EYS: variants seen among roughly 807,000 people sequenced by gnomAD.
EYS encodes EGF-like photoreceptor maintenance factor.
A neutral mutation model predicts 282.1 loss-of-function variants in EYS; 250 were observed. The observed-to-expected ratio is 0.89, with a 90% CI of 0.80 to 0.98. The LOEUF (loss-of-function observed/expected upper bound fraction) is 0.98. Among genes scored for constraint, EYS ranks in the 50% least tolerant of loss-of-function variants. EYS has a pLI of 0.00. For missense variants in EYS, 4,016 were observed against 3,709.0 expected, an observed-to-expected ratio of 1.08 and a Z score of -2.15; for synonymous variants, 1,355 against 1,282.9, an observed-to-expected ratio of 1.06 and a Z score of -1.20.
chr6:64,620,428 C>G (rs963173465), intron 23 of EYS, among the ~76,000 whole-genome samples: 1 of 152,172 alleles, frequency 6.6e-6, no homozygotes, highest in Non-Finnish European at 1.5e-5. Context: ...TGGTCTCCAT[C>G]AGAGCCTTCA....
At position 65,500,270 on chromosome 6, in the gene EYS, A is replaced by G. The variant is rs531590268; in HGVS notation, c.-332-4277T>C. ...TAGGATTAAACAAAGCGGCTGAGGC[A>G]AAAGATGATAAACAATCCTGGAGAA... On this transcript the variant is annotated intron_variant, in intron 2 of 42. Coordinates refer to ENST00000503581, the MANE Select transcript of EYS (RefSeq NM_001142800.2). 2.0e-5 allele frequency among the ~76,000 whole-genome samples: 3 copies of G among 152,182 alleles called. No individual in the cohort carries two copies. The East Asian group carries it at 5.8e-4, about 29-fold the overall frequency.
At chr6:64,934,466 T>C (rs1039826944) in intron 15 of EYS, among the ~76,000 whole-genome samples, 3 of 152,084 alleles carry the variant, frequency 2.0e-5, no homozygotes, top group South Asian at 2.1e-4. Flanking sequence ...TTAATCATGA[T>C]AGTCAAACTG....
At chr6:64,957,791 C>T (rs540561885) in intron 14 of EYS, among the ~76,000 whole-genome samples, 2 of 152,094 alleles carry the variant, frequency 1.3e-5, no homozygotes, top group South Asian at 2.1e-4. Flanking sequence ...AAAATTAGTG[C>T]CTGTAAAAGT....
rs182927855 is a variant in EYS, at chr6:63,968,673, G to A, written c.7055+15710C>T. Among the ~76,000 whole-genome samples, 1,169 of 152,178 alleles carry A rather than the reference G, an allele frequency of 7.7e-3. 8 individuals are homozygous for A. Among genetic ancestry groups the A allele is most frequent in the Admixed American group, 0.026 (392 of 15,274 alleles). On this transcript the variant is annotated intron_variant, in intron 35 of 42. Transcript: ENST00000503581. ...AGGCAGAATATTTCAGAGGTTTCTC[G>A]AAACTCTAATAAAAGACTCTCCTGC...
intron 22 of EYS, among the ~76,000 whole-genome samples, chr6:64,677,573 C>T (rs913391931): frequency 1.3e-5 from 2 of 152,038 alleles, no homozygotes; most frequent in African/African-American, 4.8e-5. Flanking sequence ...TTTAAGATGA[C>T]CTCCATATCA....
intron 22 of EYS, among the ~76,000 whole-genome samples, chr6:64,747,600 G>A (rs1021371216): frequency 1.3e-5 from 2 of 152,124 alleles, no homozygotes; most frequent in African/African-American, 4.8e-5. Flanking sequence ...GGCTGGTCTT[G>A]AACTCCTGAC....
At chr6:64,548,684 G>A (rs969578937) in intron 26 of EYS, among the ~76,000 whole-genome samples, 49 of 152,018 alleles carry the variant, frequency 3.2e-4, no homozygotes, top group African/African-American at 9.2e-4. Flanking sequence ...GTTGTGGGGT[G>A]TGGGGAGGGG....
chr6:65,424,809 CAAACCTAG>C, intron 5 of EYS, among the ~76,000 whole-genome samples: 1 of 152,112 alleles, frequency 6.6e-6, no homozygotes, highest in South Asian at 2.1e-4. Context: ...CAATAACCCT[CAAACCTAG>C]AAGCTATTAT....
At chr6:64,781,087 C>A (rs1473451771) in intron 22 of EYS, among the ~76,000 whole-genome samples, 3 of 151,928 alleles carry the variant, frequency 2.0e-5, no homozygotes, top group Non-Finnish European at 4.4e-5. Context: ...TTGTCTGTCA[C>A]AGGGACAAAT....
At chr6:65,547,640 T>C (rs991416828) in intron 2 of EYS, among the ~76,000 whole-genome samples, 1 of 152,170 alleles carries the variant, frequency 6.6e-6, no homozygotes, top group African/African-American at 2.4e-5. Context: ...AAAAGTTGTA[T>C]TTATGCAATA....
At chr6:63,878,596 A>C (rs1773042715) in intron 35 of EYS, among the ~76,000 whole-genome samples, 1 of 152,218 alleles carries the variant, frequency 6.6e-6, no homozygotes, top group African/African-American at 2.4e-5. Context: ...AGAAGCAGGC[A>C]GGCCTCCTTG....
chr6:65,046,058 C>T (rs912806073), intron 13 of EYS, among the ~76,000 whole-genome samples: 2 of 151,860 alleles, frequency 1.3e-5, no homozygotes, highest in Non-Finnish European at 2.9e-5. Flanking sequence ...AATAAAACTT[C>T]AGACTCAAGA....
chr6:64,707,294 T>C (rs779969017), intron 22 of EYS, among the ~76,000 whole-genome samples: 1 of 152,122 alleles, frequency 6.6e-6, no homozygotes, highest in East Asian at 1.9e-4. Flanking sequence ...AGCTAAGCTC[T>C]GAGGATGCAA....
chr6:64,079,407 C>T (rs1026127510), intron 32 of EYS, among the ~76,000 whole-genome samples: 2 of 151,972 alleles, frequency 1.3e-5, no homozygotes, highest in Non-Finnish European at 2.9e-5. Context: ...CTAAATGCTT[C>T]TTTTAGGCAT....
At chr6:63,890,857 C>G (rs321515) in intron 35 of EYS, among the ~76,000 whole-genome samples, 151,417 of 152,352 alleles carry the variant, frequency 0.99, 75,251 homozygotes, top group Middle Eastern at 1. Flanking sequence ...AGACTAAGAA[C>G]AAGAGAGAGA....
intron 31 of EYS, among the ~76,000 whole-genome samples, chr6:64,114,975 T>C (rs1309695362): frequency 6.6e-6 from 1 of 152,142 alleles, no homozygotes; most frequent in Non-Finnish European, 1.5e-5. Flanking sequence ...CTGCGGCCAC[T>C]CTGTGCCTTG....
At chr6:65,059,807 G>A (rs182023329) in intron 12 of EYS, among the ~76,000 whole-genome samples, 4 of 152,170 alleles carry the variant, frequency 2.6e-5, no homozygotes, top group South Asian at 2.1e-4. Flanking sequence ...AATACACTTT[G>A]TGGAGATTCC....
At chr6:63,840,527 A>C (rs1771929492) in intron 36 of EYS, among the ~76,000 whole-genome samples, 1 of 151,908 alleles carries the variant, frequency 6.6e-6, no homozygotes, top group Non-Finnish European at 1.5e-5. Flanking sequence ...GCGGTGCAGA[A>C]ATCTTTTAGT....
chr6:65,008,602 T>C (rs1771766715), intron 13 of EYS, among the ~76,000 whole-genome samples: 1 of 152,142 alleles, frequency 6.6e-6, no homozygotes, highest in Non-Finnish European at 1.5e-5. Flanking sequence ...TTAAAAAAGA[T>C]TGTCCAAGTA....
Sources: gnomAD v4.1 joint callset for allele counts (sites outside exome capture counted in the v4.1 genomes callset) on GRCh38, gnomAD v4.1.1 for gene constraint, MANE v1.5 for transcripts, NCBI Gene and HGNC (gene_info 2026-07-23, HGNC 2026-07-21) for gene names.